SENP7: variants seen among roughly 807,000 people sequenced by gnomAD.
The protein encoded by SENP7 is sentrin-specific protease 7.
In SENP7, 64 loss-of-function variants were observed where a neutral mutation model predicts 141.2. That is an observed-to-expected ratio of 0.45 (90% confidence interval 0.37 to 0.56). The LOEUF (loss-of-function observed/expected upper bound fraction) is 0.56. Among genes scored for constraint, SENP7 ranks in the 20% least tolerant of loss-of-function variants. The pLI is 0.00. For synonymous variants in SENP7, 382 were observed against 426.4 expected (o/e 0.90, Z 1.28); for missense variants, 1,025 against 1,212.2 (o/e 0.85, Z 2.29).
intron 6 of SENP7, among the ~76,000 whole-genome samples, chr3:101,388,951 G>GA (rs1234140035): frequency 2.6e-5 from 4 of 151,124 alleles, no homozygotes; most frequent in Admixed American, 6.6e-5. Flanking sequence ...CATAAAAAAA[G>GA]AAAAAAAGAA....
chr3:101,443,435 T>A (rs2062759290), intron 4 of SENP7, among the ~76,000 whole-genome samples: 1 of 139,850 alleles, frequency 7.2e-6, no homozygotes, highest in Non-Finnish European at 1.6e-5. Context: ...CGATGCGGGC[T>A]CTTTTTTGGT....
intron 3 of SENP7, among the ~76,000 whole-genome samples, chr3:101,475,615 G>C (rs896182488): frequency 6.6e-6 from 1 of 152,048 alleles, no homozygotes; most frequent in East Asian, 1.9e-4. Context: ...CTAGGTGAAG[G>C]GTTGATCTGT....
In SENP7 at chr3:101,479,892, C is replaced by CAA. The variant is rs1168285268; in HGVS notation, c.186+13979_186+13980dup. ...ATAGCAATTCCACTTACAACAGCTA[C>CAA]AAAAAAAAAAAAAAAAAAAAAAAAA... On this transcript the variant is annotated intron_variant, in intron 3 of 23. Transcript: ENST00000394095. Among the ~76,000 whole-genome samples the CAA allele has an allele frequency of 2.6e-3, 19 of 7,346 alleles. 6 individuals carry two copies. The highest frequency in any genetic ancestry group is 0.011 in the East Asian group (2 of 186). The allele number at this position is 7,346 out of a possible 152,430, so 4.8% of individuals were successfully genotyped here.
chr3:101,420,763 T>A (rs993711505), intron 4 of SENP7, among the ~76,000 whole-genome samples: 3 of 152,132 alleles, frequency 2.0e-5, no homozygotes, highest in Non-Finnish European at 4.4e-5. Flanking sequence ...GACCTAATCA[T>A]ATGGGCAAGA....
rs532229040 is a variant in SENP7 at position 101,456,919 on chromosome 3, G to A, written c.284+2036C>T. Among the ~76,000 whole-genome samples, 20 of 150,432 alleles carry A rather than the reference G, an allele frequency of 1.3e-4. No homozygotes were observed. In the South Asian group the frequency reaches 3.6e-3, roughly 27 times the overall value. On this transcript the variant is annotated intron_variant, in intron 4 of 23. Coordinates refer to ENST00000394095, the MANE Select transcript of SENP7 (RefSeq NM_020654.5). ...TGGGACTACAGGTGTGAGCCACTGC[G>A]CCTGGCCTTAATGATATAAGCTTTT...
chr3:101,487,625 G>A (rs2108072292), intron 3 of SENP7, among the ~76,000 whole-genome samples: 1 of 152,266 alleles, frequency 6.6e-6, no homozygotes, highest in African/African-American at 2.4e-5. Context: ...TCCATCTTGA[G>A]TTAATTTTTG....
chr3:101,358,036 CT>C, intron 11 of SENP7: 1 of 628,262 alleles, frequency 1.6e-6, no homozygotes, highest in Admixed American at 2.7e-5. Context: ...GTGGCAAAGC[CT>C]TCATTTCATC....
intron 2 of SENP7, among the ~76,000 whole-genome samples, chr3:101,500,271 A>G (rs907361957): frequency 6.6e-6 from 1 of 152,222 alleles, no homozygotes; most frequent in African/African-American, 2.4e-5. Context: ...AATTATCTCT[A>G]TATGCCAGGT....
At chr3:101,385,815 C>A (rs1163598934) in intron 6 of SENP7, among the ~76,000 whole-genome samples, 1 of 152,128 alleles carries the variant, frequency 6.6e-6, no homozygotes, top group African/African-American at 2.4e-5. Context: ...TGGAGAAGGT[C>A]CATCTCTGCC....
intron 11 of SENP7, among the ~76,000 whole-genome samples, chr3:101,360,734 T>C (rs140861825): frequency 1.3e-5 from 2 of 152,298 alleles, no homozygotes; most frequent in East Asian, 1.9e-4. Context: ...TATAGGTAAT[T>C]ATAAAACACA....
chr3:101,325,870 G>A lies in SENP7; in HGVS notation c.*73C>T. On this transcript the variant is annotated 3_prime_UTR_variant, in exon 24 of 24. Transcript: ENST00000394095. ...CAAGTTATTTTCTTCTCTGTGAGCT[G>A]GCTAACACAAATGCTGGTAAGAGGC... 7.2e-7 allele frequency: 1 copy of A among 1,385,944 alleles called. No homozygotes were observed. Among genetic ancestry groups the A allele is most frequent in the Non-Finnish European group, 9.7e-7 (1 of 1,030,618 alleles). The allele number at this position is 1,385,944 out of a possible 1,614,324, so 85.9% of individuals were successfully genotyped here. A position where few individuals can be genotyped will look rare whatever the true frequency, so the allele number is the denominator to read the frequency against.
chr3:101,466,044 T>A (rs1056391717), intron 3 of SENP7, among the ~76,000 whole-genome samples: 1 of 152,060 alleles, frequency 6.6e-6, no homozygotes, highest in Non-Finnish European at 1.5e-5. Context: ...ATTTCTGAAC[T>A]TGAAAACAGA....
intron 5 of SENP7, among the ~76,000 whole-genome samples, chr3:101,400,276 T>C (rs2061096783): frequency 6.6e-6 from 1 of 152,212 alleles, no homozygotes; most frequent in South Asian, 2.1e-4. Flanking sequence ...ATACTTTACT[T>C]ATACTTTGTT....
intron 20 of SENP7, among the ~76,000 whole-genome samples, chr3:101,329,666 G>A (rs1046056895): frequency 6.6e-6 from 1 of 151,262 alleles, no homozygotes; most frequent in Non-Finnish European, 1.5e-5. Context: ...GGCCGGGCTC[G>A]GTGGCTCACG....
At chr3:101,394,705 G>GATACA (rs2060917157) in intron 6 of SENP7, among the ~76,000 whole-genome samples, 2 of 151,528 alleles carry the variant, frequency 1.3e-5, no homozygotes, top group African/African-American at 4.9e-5. Context: ...ATCTATTTTA[G>GATACA]TTTTCTGAGA....
At chr3:101,446,531 C>G (rs1252524288) in intron 4 of SENP7, among the ~76,000 whole-genome samples, 2 of 152,124 alleles carry the variant, frequency 1.3e-5, no homozygotes, top group Non-Finnish European at 2.9e-5. Flanking sequence ...AAACAAATCT[C>G]AATAATTTTT....
At chr3:101,472,987 T>C (rs890282155) in intron 3 of SENP7, among the ~76,000 whole-genome samples, 12 of 152,208 alleles carry the variant, frequency 7.9e-5, no homozygotes, top group Admixed American at 5.9e-4. Flanking sequence ...TAGCTCCCAC[T>C]TATAAGTGAG....
At chr3:101,326,580 C>T (rs2058905666) in intron 23 of SENP7, among the ~76,000 whole-genome samples, 1 of 152,078 alleles carries the variant, frequency 6.6e-6, no homozygotes, top group Admixed American at 6.6e-5. Flanking sequence ...AATGAGATGA[C>T]AGTTCAAAAA....
intron 3 of SENP7, among the ~76,000 whole-genome samples, chr3:101,484,861 G>A (rs768374652): frequency 4.6e-5 from 7 of 152,120 alleles, no homozygotes; most frequent in Non-Finnish European, 1.0e-4. Flanking sequence ...CCATTTGAAC[G>A]GGGTGAGAAG....
Sources: allele counts gnomAD v4.1 joint callset (sites outside exome capture counted in the v4.1 genomes callset), GRCh38; gene constraint gnomAD v4.1.1; transcripts MANE v1.5; gene names NCBI Gene and HGNC (gene_info 2026-07-23, HGNC 2026-07-21).